The following ERO1A variants were observed in gnomAD, a reference collection of about 807,000 sequenced individuals.
ERO1A encodes the protein ERO1-like protein alpha.
Under a neutral mutation model 76.9 loss-of-function variants are expected in ERO1A, and 49 were observed. The ratio of observed to expected loss-of-function variants is 0.64; its 90% CI spans 0.51 to 0.81. The LOEUF is 0.81. Ranked by LOEUF, ERO1A falls within the 30% of genes least tolerant of loss-of-function variation. The pLI, the probability that ERO1A is intolerant of heterozygous loss-of-function variation, is 0.00. For missense variants in ERO1A, 448 were observed against 542.1 expected (o/e 0.83, Z 1.72); for synonymous variants, 174 against 181.2 (o/e 0.96, Z 0.32).
intron 11 of ERO1A, 51 bp from the exon 12 acceptor site, chr14:52,653,366 C>A: frequency 6.9e-7 from 1 of 1,457,248 alleles, no homozygotes; most frequent in South Asian, 1.4e-5. Context: ...ACAATTTTTA[C>A]TTTAATTATA....
intron 13 of ERO1A, among the ~76,000 whole-genome samples, chr14:52,647,785 G>A (rs999734156): frequency 6.6e-6 from 1 of 152,114 alleles, no homozygotes; most frequent in Non-Finnish European, 1.5e-5. Flanking sequence ...CAAGCTTACA[G>A]TATTCTTAGC....
chr14:52,695,323 G>A (rs1333660771), intron 1 of ERO1A, 45 bp downstream of exon 1: 8 of 1,303,238 alleles, frequency 6.1e-6, no homozygotes, highest in African/African-American at 4.6e-5. Context: ...AGTGCACGCC[G>A]CGGAGGGCGC....
chr14:52,655,301 G>A (rs2040006920), intron 11 of ERO1A, among the ~76,000 whole-genome samples: 1 of 151,958 alleles, frequency 6.6e-6, no homozygotes, highest in Non-Finnish European at 1.5e-5. Flanking sequence ...GGAGGCAGAT[G>A]TTGTAGTGAG....
chr14:52,652,125 C>A (rs1482864824), intron 13 of ERO1A, 114 bp downstream of exon 13: 1 of 575,918 alleles, frequency 1.7e-6, no homozygotes, highest in Non-Finnish European at 3.0e-6. Flanking sequence ...AGCCACTGCC[C>A]CTGGCCTACT....
chr14:52,650,556 A>G (rs1403491760), intron 13 of ERO1A, among the ~76,000 whole-genome samples: 1 of 151,838 alleles, frequency 6.6e-6, no homozygotes, highest in East Asian at 1.9e-4. Context: ...ATATGATTTC[A>G]TATGTACATA....
chr14:52,684,509 T>G (rs1015329981), intron 1 of ERO1A, among the ~76,000 whole-genome samples: 1 of 152,154 alleles, frequency 6.6e-6, no homozygotes, highest in Non-Finnish European at 1.5e-5. Flanking sequence ...AGCTCCCACT[T>G]CCACTGTCCT....
At chr14:52,690,377 A>C (rs1440964158) in intron 1 of ERO1A, among the ~76,000 whole-genome samples, 1 of 152,256 alleles carries the variant, frequency 6.6e-6, no homozygotes, top group Non-Finnish European at 1.5e-5. Flanking sequence ...CTGTCTGACA[A>C]GATGTTATTA....
chr14:52,663,037 T>C (rs2040279742), intron 8 of ERO1A, among the ~76,000 whole-genome samples: 1 of 152,096 alleles, frequency 6.6e-6, no homozygotes, highest in Non-Finnish European at 1.5e-5. Context: ...AGGGAAAGTT[T>C]TATGGAAAAA....
chr14:52,671,953 CT>C, intron 4 of ERO1A, 82 bp from the exon 5 acceptor site: 1 of 975,512 alleles, frequency 1.0e-6, no homozygotes, highest in Middle Eastern at 2.9e-4. Flanking sequence ...ATCTGAAGCT[CT>C]TTTTATTTTT....
intron 7 of ERO1A, among the ~76,000 whole-genome samples, chr14:52,665,734 T>C (rs900090853): frequency 6.6e-6 from 1 of 152,184 alleles, no homozygotes; most frequent in Admixed American, 6.5e-5. Context: ...TCCAGCCTAA[T>C]GGTTACCCCG....
At chr14:52,650,725 G>A (rs757277780) in intron 13 of ERO1A, among the ~76,000 whole-genome samples, 6 of 152,128 alleles carry the variant, frequency 3.9e-5, no homozygotes, top group East Asian at 3.9e-4. Context: ...ATCCCTTGAG[G>A]GTGGAAGCTC....
intron 1 of ERO1A, among the ~76,000 whole-genome samples, chr14:52,691,893 C>G (rs2041366638): frequency 6.6e-6 from 1 of 152,320 alleles, no homozygotes; most frequent in South Asian, 2.1e-4. Context: ...ATTTACAAGT[C>G]TAAGGCAATT....
chr14:52,689,749 C>A (rs115430065), intron 1 of ERO1A, among the ~76,000 whole-genome samples: 5 of 152,120 alleles, frequency 3.3e-5, no homozygotes, highest in African/African-American at 1.2e-4. Flanking sequence ...TCTATCAAAA[C>A]TCCAATGGCA....
At chr14:52,666,673 G>A (rs1375966611) in intron 6 of ERO1A, among the ~76,000 whole-genome samples, 178 bp from the exon 7 acceptor site, 1 of 152,216 alleles carries the variant, frequency 6.6e-6, no homozygotes, top group Non-Finnish European at 1.5e-5. Flanking sequence ...CCTCACACCT[G>A]TAATCCCAGC....
At chr14:52,647,685 G>C (rs1398376845) in intron 13 of ERO1A, among the ~76,000 whole-genome samples, 1 of 152,038 alleles carries the variant, frequency 6.6e-6, no homozygotes, top group Non-Finnish European at 1.5e-5. Context: ...AAAAAAGAAG[G>C]GAAGCCAAGA....
chr14:52,641,756 CTTAA>C lies in ERO1A; in HGVS notation c.*1810_*1813del, dbSNP rs1431139335. 8 of 152,160 alleles carry C rather than the reference CTTAA, an allele frequency of 5.3e-5. No homozygotes were observed. The highest frequency in any genetic ancestry group is 1.0e-4 in the Non-Finnish European group (7 of 68,022). The allele number at this position is 152,160 out of a possible 1,614,324, so 9.4% of individuals were successfully genotyped here. On this transcript the variant is annotated 3_prime_UTR_variant, in exon 16 of 16. Transcript: ENST00000395686. ...TCTTTTGAGTCTCCAAGAGGATTGACTTAATTAATGGTTTAATGTCTTTCCTTTC... is the reference window on the plus strand; with the variant it reads ...TCTTTTGAGTCTCCAAGAGGATTGACTTAATGGTTTAATGTCTTTCCTTTC...
intron 7 of ERO1A, 23 bp from the exon 8 acceptor site, chr14:52,663,870 A>G (rs767942904): frequency 7.3e-7 from 1 of 1,371,056 alleles, no homozygotes; most frequent in Non-Finnish European, 1.0e-6. Context: ...AGAATTAAAA[A>G]TATCAACACA....
At chr14:52,663,371 G>A (rs568577711) in intron 8 of ERO1A, among the ~76,000 whole-genome samples, 2 of 152,120 alleles carry the variant, frequency 1.3e-5, no homozygotes, top group East Asian at 1.9e-4. Flanking sequence ...AGGCCGAGGC[G>A]GGTGGATCAT....
At chr14:52,663,719 G>T in intron 8 of ERO1A, 82 bp downstream of exon 8, 2 of 822,690 alleles carry the variant, frequency 2.4e-6, no homozygotes, top group Non-Finnish European at 4.2e-6. Flanking sequence ...AACTGTTACT[G>T]TCATTTATCT....
Sources: allele counts gnomAD v4.1 joint callset (sites outside exome capture counted in the v4.1 genomes callset), GRCh38; gene constraint gnomAD v4.1.1; transcripts MANE v1.5; gene names NCBI Gene and HGNC (gene_info 2026-07-23, HGNC 2026-07-21).